CYP2C19: variants seen among roughly 807,000 people sequenced by gnomAD.
The protein encoded by CYP2C19 is cytochrome P450 2C19.
Under a neutral mutation model 40.9 loss-of-function variants are expected in CYP2C19, and 59 were observed. The observed-to-expected ratio is 1.44, with a 90% CI of 1.17 to 1.79. The LOEUF is 1.79. Among genes scored for constraint, CYP2C19 ranks in the 40% most tolerant of loss-of-function variants. The pLI, the probability that CYP2C19 is intolerant of heterozygous loss-of-function variation, is 0.00. For missense variants in CYP2C19, 754 were observed against 596.9 expected (o/e 1.26, Z -2.74); for synonymous variants, 253 against 208.7 (o/e 1.21, Z -1.83).
At chr10:94,818,960 C>G (rs1383960543) in intron 5 of CYP2C19, among the ~76,000 whole-genome samples, 3 of 151,718 alleles carry the variant, frequency 2.0e-5, no homozygotes, top group African/African-American at 7.3e-5. Context: ...CACACCACAC[C>G]TATTCCAAAA....
intron 1 of CYP2C19, among the ~76,000 whole-genome samples, chr10:94,767,554 T>C (rs771590909): frequency 6.6e-6 from 1 of 152,172 alleles, no homozygotes. Flanking sequence ...CTCTCCAGGA[T>C]AGTGACCTAT....
At chr10:94,842,763 A>T (rs1849514851) in intron 6 of CYP2C19, 74 bp from the exon 7 acceptor site, 1 of 1,482,346 alleles carries the variant, frequency 6.7e-7, no homozygotes, top group Non-Finnish European at 9.4e-7. Flanking sequence ...ATCATGATTC[A>T]TGTACCCCTG....
chr10:94,820,436 T>C (rs1849097002), intron 5 of CYP2C19, 60 bp from the exon 6 acceptor site: 6 of 1,586,960 alleles, frequency 3.8e-6, no homozygotes, highest in East Asian at 2.2e-5. Context: ...ATTTTGAATT[T>C]ACTGTCATCA....
chr10:94,797,901 CT>C (rs1253242294), intron 5 of CYP2C19, among the ~76,000 whole-genome samples: 2 of 151,890 alleles, frequency 1.3e-5, no homozygotes, highest in African/African-American at 4.8e-5. Context: ...ATTAGTCTTC[CT>C]AGTGGTCTAT....
At chr10:94,803,058 C>T (rs960458160) in intron 5 of CYP2C19, among the ~76,000 whole-genome samples, 1 of 151,980 alleles carries the variant, frequency 6.6e-6, no homozygotes, top group African/African-American at 2.4e-5. Context: ...TCTGTCATTT[C>T]TGAGTTGCCA....
chr10:94,787,288 G>A (rs977675870), intron 5 of CYP2C19, among the ~76,000 whole-genome samples: 1 of 152,016 alleles, frequency 6.6e-6, no homozygotes, highest in Non-Finnish European at 1.5e-5. Context: ...TTGGCCATGT[G>A]TATGTCTTCT....
At position 94,842,900 on chromosome 10, in the gene CYP2C19, G is replaced by A. The variant is rs1410622784; in HGVS notation, c.1025G>A (p.Arg342Lys). 3.7e-6 allele frequency: 6 copies of A among 1,614,032 alleles called. No homozygotes were observed. In the South Asian group the frequency reaches 5.5e-5, roughly 15 times the overall value. ...GRNRSPCMQDRGHMPYTDAVV... is the reference protein window; with the variant it reads ...GRNRSPCMQDKGHMPYTDAVV... The stretch of plus-strand genomic sequence containing the variant: ...AACCGGAGCCCCTGCATGCAGGACA[G>A]GGGCCACATGCCCTACACAGATGCT... The change falls in exon 7 of 9, where the codon AGG becomes AAG. Residue 342 changes from arginine (R) to lysine (K), a missense_variant. Physicochemically the swap from Arg to Lys is conservative, Grantham distance 26. Coordinates refer to ENST00000371321, the MANE Select transcript of CYP2C19 (RefSeq NM_000769.4).
chr10:94,817,082 G>C (rs1156256937), intron 5 of CYP2C19, among the ~76,000 whole-genome samples: 13 of 141,012 alleles, frequency 9.2e-5, no homozygotes, highest in Non-Finnish European at 2.0e-4. Flanking sequence ...ATAGTCCTTT[G>C]GGTATATACC....
intron 6 of CYP2C19, among the ~76,000 whole-genome samples, chr10:94,840,331 G>A (rs1361768693): frequency 1.3e-5 from 2 of 150,008 alleles, no homozygotes; most frequent in Admixed American, 6.7e-5. Context: ...TACAAACTTG[G>A]GGCCCTGGCA....
chr10:94,822,779 T>G (rs1849149293), intron 6 of CYP2C19, among the ~76,000 whole-genome samples: 1 of 152,164 alleles, frequency 6.6e-6, no homozygotes, highest in Non-Finnish European at 1.5e-5. Context: ...TTCTGACTGG[T>G]GTGAGATGGT....
At chr10:94,826,201 A>T (rs1232526400) in intron 6 of CYP2C19, among the ~76,000 whole-genome samples, 5 of 152,022 alleles carry the variant, frequency 3.3e-5, no homozygotes, top group South Asian at 2.1e-4. Context: ...GAAGAAAGTC[A>T]TTGGTAGCTT....
chr10:94,830,031 T>A (rs1012553915), intron 6 of CYP2C19, among the ~76,000 whole-genome samples: 1 of 152,208 alleles, frequency 6.6e-6, no homozygotes, highest in Non-Finnish European at 1.5e-5. Flanking sequence ...TCCAGCTGCA[T>A]GCTGGGAGAA....
At chr10:94,779,329 C>A (rs1021038796) in intron 3 of CYP2C19, among the ~76,000 whole-genome samples, 2 of 151,924 alleles carry the variant, frequency 1.3e-5, no homozygotes, top group African/African-American at 2.4e-5. Flanking sequence ...ATTACAACAA[C>A]TTTATTTCAG....
chr10:94,836,188 A>G (rs547207616), intron 6 of CYP2C19, among the ~76,000 whole-genome samples: 4 of 152,344 alleles, frequency 2.6e-5, no homozygotes, highest in Admixed American at 1.3e-4. Context: ...AGCAGTGAGT[A>G]TGCCATTCAC....
chr10:94,828,402 C>T (rs979994744), intron 6 of CYP2C19, among the ~76,000 whole-genome samples: 5 of 150,566 alleles, frequency 3.3e-5, no homozygotes, highest in African/African-American at 7.4e-5. Flanking sequence ...GAATTGATCC[C>T]TTTACCATTA....
chr10:94,812,569 A>G (rs1206475081), intron 5 of CYP2C19, among the ~76,000 whole-genome samples: 1 of 152,084 alleles, frequency 6.6e-6, no homozygotes, highest in African/African-American at 2.4e-5. Context: ...GGCTATGTTC[A>G]TTTCTTTTTA....
intron 7 of CYP2C19, among the ~76,000 whole-genome samples, chr10:94,846,160 G>T (rs775800691): frequency 2.6e-5 from 4 of 151,888 alleles, no homozygotes; most frequent in Admixed American, 6.6e-5. Flanking sequence ...CACATAATTC[G>T]GGTATGTTGT....
At chr10:94,790,735 G>T (rs1431126544) in intron 5 of CYP2C19, among the ~76,000 whole-genome samples, 1 of 152,108 alleles carries the variant, frequency 6.6e-6, no homozygotes, top group Non-Finnish European at 1.5e-5. Context: ...GATCGTGGTG[G>T]ATAAGCTTGT....
At position 94,775,224 on chromosome 10, in the gene CYP2C19, G is replaced by A. The variant is rs921062799; in HGVS notation, c.331+4G>A. 11 of 1,614,086 alleles carry A rather than the reference G, an allele frequency of 6.8e-6. No individual in the cohort carries two copies. The highest frequency in any genetic ancestry group is 1.7e-5 in the Admixed American group (1 of 60,026). ...GAAAGAGCTAACAGAGGATTTGGTAGGTGTGCAAGTGCCTGTTTCAGCATC... is the reference window on the plus strand; with the variant it reads ...GAAAGAGCTAACAGAGGATTTGGTAAGTGTGCAAGTGCCTGTTTCAGCATC... On this transcript the variant is annotated splice_donor_region_variant and intron_variant, in intron 2 of 8. Transcript: ENST00000371321.
Sources: allele counts gnomAD v4.1 joint callset (sites outside exome capture counted in the v4.1 genomes callset), GRCh38; gene constraint gnomAD v4.1.1; transcripts MANE v1.5; gene names NCBI Gene and HGNC (gene_info 2026-07-23, HGNC 2026-07-21).